Variants in COL14A1 observed in about 807,000 individuals in gnomAD.
COL14A1 encodes the protein collagen type XIV alpha 1 chain.
COL14A1 carries 136 observed loss-of-function variants against 230.3 expected under a neutral mutation model. The observed-to-expected ratio is 0.59, with a 90% confidence interval of 0.51 to 0.68. The LOEUF is 0.68. Ranked by LOEUF, COL14A1 falls within the 30% of genes least tolerant of loss-of-function variation. The pLI, the probability that COL14A1 is intolerant of heterozygous loss-of-function variation, is 0.00. For synonymous variants in COL14A1, 792 were observed against 784.1 expected (o/e 1.01, Z -0.17); for missense variants, 1,976 against 2,215.8 (o/e 0.89, Z 2.17).
intron 45 of COL14A1, among the ~76,000 whole-genome samples, chr8:120,357,772 T>C (rs1823036550): frequency 6.6e-6 from 1 of 152,174 alleles, no homozygotes; most frequent in Admixed American, 6.5e-5. Context: ...TCACCACTTA[T>C]GTTTGTTTTT....
chr8:120,191,741 C>T (rs1414779715), intron 5 of COL14A1, among the ~76,000 whole-genome samples: 2 of 150,986 alleles, frequency 1.3e-5, no homozygotes, highest in African/African-American at 4.9e-5. Context: ...GTATTGGGTG[C>T]ATATATATTT....
intron 24 of COL14A1, 113 bp from the exon 25 acceptor site, chr8:120,266,714 G>A: frequency 1.2e-6 from 1 of 841,660 alleles, no homozygotes; most frequent in South Asian, 1.6e-5. Context: ...AATTCTCAGA[G>A]AAGACAGTTG....
rs776282364 is a variant in COL14A1 at position 120,283,721 on chromosome 8, G to T, written c.3910G>T (p.Ala1304Ser). The T allele has an allele frequency of 9.3e-6, 15 of 1,613,552 alleles. No homozygotes were observed. The Admixed American group carries it at 1.3e-4, about 14-fold the overall frequency. ...ILPDTPQEPF[A>S]LWEILNKNSD... ...TCCTGACACTCCACAGGAGCCATTT[G>T]CTCTTTGGGAGATTTTAAATAAAAA... The change falls in exon 32 of 48, where the codon GCT becomes TCT. Residue 1304 changes from alanine (A) to serine (S), a missense_variant. Around this residue, in one of 3 missense-constraint regions of COL14A1, gnomAD observed 1,791 missense variants for 2,019.5 expected, o/e 0.89. Transcript: ENST00000297848.
At chr8:120,203,987 C>T in intron 9 of COL14A1, 117 bp downstream of exon 9, 1 of 980,146 alleles carries the variant, frequency 1.0e-6, no homozygotes, top group Non-Finnish European at 1.4e-6. Context: ...CCCTTATTCC[C>T]CTAAGACCTG....
chr8:120,368,903 T>C (rs1241433771), intron 46 of COL14A1, among the ~76,000 whole-genome samples: 1 of 152,192 alleles, frequency 6.6e-6, no homozygotes, highest in Non-Finnish European at 1.5e-5. Context: ...CTGAATTGCA[T>C]GGCTATTCTA....
chr8:120,228,831 TA>T, intron 18 of COL14A1, 62 bp downstream of exon 18: 1 of 1,342,424 alleles, frequency 7.4e-7, no homozygotes, highest in Non-Finnish European at 1.1e-6. Context: ...GATGTTATAT[TA>T]TCCTGGTTTT....
chr8:120,150,355 A>G (rs1284190308), intron 2 of COL14A1, among the ~76,000 whole-genome samples: 1 of 152,202 alleles, frequency 6.6e-6, no homozygotes, highest in Non-Finnish European at 1.5e-5. Flanking sequence ...TAAATTGTCC[A>G]TGAAATAGGT....
At chr8:120,222,900 G>T (rs75570702) in intron 14 of COL14A1, among the ~76,000 whole-genome samples, 2,849 of 152,166 alleles carry the variant, frequency 0.019, 41 homozygotes, top group Non-Finnish European at 0.03. Flanking sequence ...GTTGCCATTG[G>T]TGCCAAGGAG....
intron 1 of COL14A1, among the ~76,000 whole-genome samples, chr8:120,131,962 C>T (rs1241042823): frequency 1.3e-5 from 2 of 150,866 alleles, no homozygotes; most frequent in African/African-American, 4.9e-5. Flanking sequence ...TTCTCCTGCC[C>T]CAGCCTCTCT....
chr8:120,147,510 T>C (rs1241453173), intron 1 of COL14A1, among the ~76,000 whole-genome samples: 1 of 152,212 alleles, frequency 6.6e-6, no homozygotes, highest in East Asian at 1.9e-4. Context: ...CAGGTAAAAT[T>C]ATGAAATTTA....
chr8:120,136,535 T>G (rs969337052), intron 1 of COL14A1, among the ~76,000 whole-genome samples: 2 of 152,316 alleles, frequency 1.3e-5, no homozygotes, highest in Admixed American at 1.3e-4. Context: ...TAAGCTCTAC[T>G]TGGTCATCAT....
At chr8:120,204,686 C>T (rs1041729537) in intron 9 of COL14A1, among the ~76,000 whole-genome samples, 1 of 152,110 alleles carries the variant, frequency 6.6e-6, no homozygotes, top group Non-Finnish European at 1.5e-5. Flanking sequence ...GGGACAATGC[C>T]CAGTAGTACA....
At chr8:120,161,612 G>A (rs997371249) in intron 3 of COL14A1, among the ~76,000 whole-genome samples, 1 of 152,080 alleles carries the variant, frequency 6.6e-6, no homozygotes, top group Non-Finnish European at 1.5e-5. Flanking sequence ...TAGAGAGGCT[G>A]TAGAAAAAAA....
chr8:120,250,598 T>G lies in COL14A1; in HGVS notation c.2603-19T>G, dbSNP rs1282558877. 1 of 1,613,716 alleles carries G rather than the reference T, an allele frequency of 6.2e-7. No individual in the cohort carries two copies. Among genetic ancestry groups the G allele is most frequent in the Non-Finnish European group, 8.5e-7 (1 of 1,179,760 alleles). On this transcript the variant is annotated intron_variant, in intron 21 of 47. Coordinates refer to ENST00000297848, the MANE Select transcript of COL14A1 (RefSeq NM_021110.4). ...CCCATATTTTGTTGTAACTAAAATATATCCTCTTTCTTCTTTAGTTCCTGG... is the reference window on the plus strand; with the variant it reads ...CCCATATTTTGTTGTAACTAAAATAGATCCTCTTTCTTCTTTAGTTCCTGG...
intron 5 of COL14A1, among the ~76,000 whole-genome samples, chr8:120,171,168 C>T (rs1816082095): frequency 6.6e-6 from 1 of 152,098 alleles, no homozygotes; most frequent in South Asian, 2.1e-4. Context: ...TAATCAATAT[C>T]TTTACTATTT....
chr8:120,221,101 G>A (rs895653046), intron 14 of COL14A1, among the ~76,000 whole-genome samples: 2 of 152,152 alleles, frequency 1.3e-5, no homozygotes, highest in Non-Finnish European at 2.9e-5. Context: ...ATTAAGTGCT[G>A]CCATTTGAGT....
intron 5 of COL14A1, among the ~76,000 whole-genome samples, chr8:120,192,895 A>T (rs1816877647): frequency 6.6e-6 from 1 of 152,150 alleles, no homozygotes. Flanking sequence ...TTTTAGCTCC[A>T]TCAGCTCCTT....
chr8:120,217,684 G>C (rs1026755574), intron 14 of COL14A1, among the ~76,000 whole-genome samples: 1 of 152,050 alleles, frequency 6.6e-6, no homozygotes, highest in Non-Finnish European at 1.5e-5. Flanking sequence ...ATCCTGAAGA[G>C]TCTGGTCATT....
intron 45 of COL14A1, among the ~76,000 whole-genome samples, chr8:120,349,424 G>A (rs1822663360): frequency 6.7e-6 from 1 of 148,272 alleles, no homozygotes; most frequent in East Asian, 2.0e-4. Context: ...GGCTTCAGAC[G>A]ATCAAATTAC....
Sources: allele counts gnomAD v4.1 joint callset (sites outside exome capture counted in the v4.1 genomes callset), GRCh38; gene constraint gnomAD v4.1.1; regional missense constraint gnomAD v4.1.1; transcripts MANE v1.5; gene names NCBI Gene and HGNC (gene_info 2026-07-23, HGNC 2026-07-21).